The following SLIT3 variants were observed in gnomAD, a reference collection of about 807,000 sequenced individuals.
SLIT3 encodes slit guidance ligand 3, also known as slit homolog 3 protein.
SLIT3 carries 68 observed loss-of-function variants against 184.0 expected under a neutral mutation model. The ratio of observed to expected loss-of-function variants is 0.37; its 90% CI spans 0.30 to 0.45. The LOEUF is 0.45. Ranked by LOEUF, SLIT3 falls within the 20% of genes least tolerant of loss-of-function variation. SLIT3 has a pLI of 1.00. For synonymous variants in SLIT3, 831 were observed against 828.6 expected (o/e 1.00, Z -0.05); for missense variants, 1,707 against 2,026.0 (o/e 0.84, Z 3.02).
chr5:168,854,038 GA>G (rs1468525725), intron 5 of SLIT3, among the ~76,000 whole-genome samples: 3 of 152,102 alleles, frequency 2.0e-5, no homozygotes, highest in Non-Finnish European at 2.9e-5. Flanking sequence ...GAATACAGGA[GA>G]AAACCGAGGT....
intron 20 of SLIT3, among the ~76,000 whole-genome samples, chr5:168,745,954 G>A (rs1335761772): frequency 6.6e-6 from 1 of 152,134 alleles, no homozygotes; most frequent in Non-Finnish European, 1.5e-5. Flanking sequence ...GAGGCTTAGG[G>A]GATCATTAGC....
Position 168,666,395 on chromosome 5 carries a change from T to G in SLIT3, c.*59A>C. 6.8e-7 allele frequency: 1 copy of G among 1,468,706 alleles called. No homozygotes were observed. The highest frequency in any genetic ancestry group is 9.0e-7 in the Non-Finnish European group (1 of 1,111,110). 91.0% of individuals were successfully genotyped at this position (1,468,706 alleles called of 1,614,324 possible). On this transcript the variant is annotated 3_prime_UTR_variant, in exon 36 of 36. Transcript: ENST00000519560. ...TGCTGAATCACCAGGGGGTCCCACA[T>G]GGCTGTCCCAACTCCATCAAGCTGG... is the stretch of plus-strand genomic sequence containing the variant.
intron 4 of SLIT3, among the ~76,000 whole-genome samples, chr5:169,028,347 A>AG (rs1436804707): frequency 6.6e-6 from 1 of 152,170 alleles, no homozygotes; most frequent in East Asian, 1.9e-4. Flanking sequence ...CATGTCCCAG[A>AG]GGACCATTGG....
At chr5:169,255,651 A>C (rs184094557) in intron 1 of SLIT3, among the ~76,000 whole-genome samples, 26 of 152,342 alleles carry the variant, frequency 1.7e-4, no homozygotes, top group African/African-American at 6.0e-4. Flanking sequence ...TGGGAGGCCA[A>C]GCCGGGCGGA....
intron 4 of SLIT3, among the ~76,000 whole-genome samples, chr5:169,118,917 T>C (rs904103804): frequency 6.6e-6 from 1 of 152,226 alleles, no homozygotes; most frequent in East Asian, 1.9e-4. Context: ...TTTAGTGGTA[T>C]TCTCATTTTA....
At chr5:168,880,141 T>A (rs539504137) in intron 5 of SLIT3, among the ~76,000 whole-genome samples, 73 of 152,318 alleles carry the variant, frequency 4.8e-4, no homozygotes, top group African/African-American at 1.7e-3. Context: ...AGAGACAGCG[T>A]GAGAGAGAGA....
In SLIT3 at chr5:168,661,885, A is replaced by T. The variant is rs1327659936; in HGVS notation, c.*4569T>A. On this transcript the variant is annotated 3_prime_UTR_variant, in exon 36 of 36. Transcript: ENST00000519560. ...GGAAGTGCCACTATAACATTGTTTT[A>T]AAAAATCTTCAAAAATTTCCTATTA... The T allele has an allele frequency of 6.6e-6, 1 of 152,220 alleles. No individual in the cohort carries two copies. Among genetic ancestry groups the T allele is most frequent in the African/African-American group, 2.4e-5 (1 of 41,456 alleles). 9.4% of individuals were successfully genotyped at this position (152,220 alleles called of 1,614,324 possible).
At chr5:169,200,080 G>C (rs1480048563) in intron 3 of SLIT3, among the ~76,000 whole-genome samples, 1 of 152,176 alleles carries the variant, frequency 6.6e-6, no homozygotes, top group East Asian at 1.9e-4. Context: ...AAACTTCTTA[G>C]AGACTCAGCT....
chr5:168,728,990 T>G (rs182500718), intron 20 of SLIT3, among the ~76,000 whole-genome samples: 5 of 146,782 alleles, frequency 3.4e-5, no homozygotes, highest in Admixed American at 3.4e-4. Context: ...TTGAAGGAAA[T>G]ACAAAATACA....
At chr5:168,957,780 G>A (rs10214097) in intron 4 of SLIT3, among the ~76,000 whole-genome samples, 3 of 151,666 alleles carry the variant, frequency 2.0e-5, no homozygotes, top group Non-Finnish European at 2.9e-5. Flanking sequence ...TGTTGGGGGC[G>A]GGAGGGCCAC....
chr5:169,299,136 T>C (rs915276827), intron 1 of SLIT3, among the ~76,000 whole-genome samples: 1 of 152,208 alleles, frequency 6.6e-6, no homozygotes, highest in Non-Finnish European at 1.5e-5. Context: ...AGCCTGGTTT[T>C]CGACATGTGT....
chr5:168,854,775 G>C (rs1489549636), intron 5 of SLIT3, among the ~76,000 whole-genome samples: 1 of 152,244 alleles, frequency 6.6e-6, no homozygotes, highest in Non-Finnish European at 1.5e-5. Flanking sequence ...TAACCAGATT[G>C]TGTCGTAGGG....
intron 4 of SLIT3, among the ~76,000 whole-genome samples, chr5:169,122,487 G>T (rs1213413328): frequency 1.3e-5 from 2 of 152,172 alleles, no homozygotes; most frequent in African/African-American, 4.8e-5. Context: ...AACCCTGGGA[G>T]CCATTTGGTT....
At chr5:168,746,347 GGGTGTGTGGT>G (rs1763807544) in intron 20 of SLIT3, among the ~76,000 whole-genome samples, 1 of 125,316 alleles carries the variant, frequency 8.0e-6, no homozygotes, top group Non-Finnish European at 1.7e-5. Context: ...GTGGTGGTGT[GGGTGTGTGGT>G]GGTGTGTGGT....
intron 4 of SLIT3, among the ~76,000 whole-genome samples, chr5:169,087,701 T>C (rs1182424612): frequency 6.6e-6 from 1 of 152,098 alleles, no homozygotes; most frequent in Admixed American, 6.5e-5. Context: ...CCAGCAAAGG[T>C]TTTTGTAGTA....
At chr5:169,232,052 A>G (rs189162394) in intron 3 of SLIT3, among the ~76,000 whole-genome samples, 16 of 152,326 alleles carry the variant, frequency 1.1e-4, no homozygotes, top group Admixed American at 7.8e-4. Context: ...CAATTCTAAA[A>G]TAAGTCCTTT....
chr5:168,915,441 C>T (rs1205647177), intron 4 of SLIT3, among the ~76,000 whole-genome samples: 2 of 152,090 alleles, frequency 1.3e-5, no homozygotes, highest in Non-Finnish European at 1.5e-5. Context: ...GTTCCTCGTA[C>T]GAATTGGTTC....
At chr5:168,801,377 G>C (rs1756760979) in intron 9 of SLIT3, among the ~76,000 whole-genome samples, 2 of 152,142 alleles carry the variant, frequency 1.3e-5, no homozygotes, top group South Asian at 4.1e-4. Flanking sequence ...ATTTGCTATT[G>C]TTAAGTGGCT....
chr5:169,217,518 C>T (rs1025797756), intron 3 of SLIT3, among the ~76,000 whole-genome samples: 4 of 152,062 alleles, frequency 2.6e-5, no homozygotes, highest in Non-Finnish European at 5.9e-5. Flanking sequence ...GACACCATTG[C>T]CACAAACACT....
Sources: gnomAD v4.1 joint callset for allele counts (sites outside exome capture counted in the v4.1 genomes callset) on GRCh38, gnomAD v4.1.1 for gene constraint, MANE v1.5 for transcripts, NCBI Gene and HGNC (gene_info 2026-07-23, HGNC 2026-07-21) for gene names.